SVIL: variants seen among roughly 807,000 people sequenced by gnomAD.
The protein encoded by SVIL is supervillin, also known as archvillin.
In SVIL, 101 loss-of-function variants were observed where a neutral mutation model predicts 240.4. The observed-to-expected ratio is 0.42, with a 90% confidence interval of 0.36 to 0.50. The LOEUF (loss-of-function observed/expected upper bound fraction) is 0.50, where lower values mean the gene tolerates loss of function less well. SVIL is among the 20% of genes least tolerant of loss of function. The pLI is 0.01. For missense variants in SVIL, 2,512 were observed against 2,818.7 expected, an observed-to-expected ratio of 0.89 and a Z score of 2.46; for synonymous variants, 999 against 1,100.0, an observed-to-expected ratio of 0.91 and a Z score of 1.82.
intron 3 of SVIL, 48 bp from the exon 4 acceptor site, chr10:29,555,156 C>T (rs935571893): frequency 3.5e-5 from 53 of 1,506,958 alleles, no homozygotes; most frequent in Non-Finnish European, 4.5e-5. Flanking sequence ...AGTAGTCGTG[C>T]GCTCATTTTA....
chr10:29,703,801 T>C (rs954401307), intron 1 of SVIL, among the ~76,000 whole-genome samples: 2 of 152,186 alleles, frequency 1.3e-5, no homozygotes, highest in African/African-American at 4.8e-5. Context: ...AGGTGGGCTC[T>C]TGTTTTTTTG....
rs866566326 is a variant in SVIL at position 29,473,582 on chromosome 10, A to G, written c.5529+256T>C. Reference sequence around the variant, plus strand: ...AACCTTTCAAAGCCACCCATTGGCCATCTGCACTTGTCATGTGGATTTCCT... The same window carrying G: ...AACCTTTCAAAGCCACCCATTGGCCGTCTGCACTTGTCATGTGGATTTCCT... On this transcript the variant is annotated intron_variant, in intron 30 of 37. Coordinates refer to ENST00000355867, the MANE Select transcript of SVIL (RefSeq NM_021738.3). 2.5e-4 allele frequency: 137 copies of G among 538,476 alleles called. No individual in the cohort carries two copies. In the South Asian group the frequency reaches 3.2e-3, roughly 13 times the overall value. The allele number at this position is 538,476 out of a possible 1,614,324, so 33.4% of individuals were successfully genotyped here. A position where few individuals can be genotyped will look rare whatever the true frequency, so the allele number is the denominator to read the frequency against.
At chr10:29,647,624 G>GGGGTGT (rs148132418) in intron 3 of SVIL, among the ~76,000 whole-genome samples, 1,680 of 151,626 alleles carry the variant, frequency 0.011, 12 homozygotes, top group Non-Finnish European at 0.017. Flanking sequence ...TGCAAATATA[G>GGGGTGT]GTGTGTGTGT....
chr10:29,710,308 C>T (rs1426066341), intron 1 of SVIL, among the ~76,000 whole-genome samples: 1 of 152,220 alleles, frequency 6.6e-6, no homozygotes, highest in Non-Finnish European at 1.5e-5. Context: ...CCCACCTTGG[C>T]CTCCTCCCAA....
At chr10:29,610,537 A>T (rs917093316) in intron 1 of SVIL, among the ~76,000 whole-genome samples, 1 of 144,730 alleles carries the variant, frequency 6.9e-6, no homozygotes, top group South Asian at 2.2e-4. Flanking sequence ...TGCAACCTCC[A>T]CTTCCTGGGT....
intron 1 of SVIL, among the ~76,000 whole-genome samples, chr10:29,712,707 T>C (rs1228951745): frequency 6.6e-6 from 1 of 152,192 alleles, no homozygotes; most frequent in East Asian, 1.9e-4. Context: ...AGGCAAATGT[T>C]ATCAGACTCA....
intron 16 of SVIL, 125 bp downstream of exon 16, chr10:29,522,285 G>T: frequency 1.1e-6 from 1 of 935,028 alleles, no homozygotes; most frequent in Non-Finnish European, 1.6e-6. Flanking sequence ...CAGGACAACA[G>T]CACAGTCCTG....
rs370356396 is a variant in SVIL, at chr10:29,735,249, C to T, written c.-400+502G>A. 6.6e-6 allele frequency among the ~76,000 whole-genome samples: 1 copy of T among 152,040 alleles called. No individual in the cohort carries two copies. Among genetic ancestry groups the T allele is most frequent in the South Asian group, 2.1e-4 (1 of 4,828 alleles). On this transcript the variant is annotated intron_variant, in intron 1 of 35. Coordinates refer to the SVIL transcript ENST00000375400. This position sits in a 1 kb window ranked among gnomAD's most constrained non-coding sequence, Gnocchi z 4.1. ...CCCTGCGGAGGCGCCGGTCTGGGAC[C>T]CCGGGCTGGGGCGCGGGAGCCACCG...
rs201911085 is a variant in SVIL, at chr10:29,532,731, G to A, written c.1636C>T (p.Arg546Cys). ...GGGCCTGTGAAATCTGACAGAGAGCGGGTACGGACCTTGCGCTTTTTCGAG... is the reference window on the plus strand; with the variant it reads ...GGGCCTGTGAAATCTGACAGAGAGCAGGTACGGACCTTGCGCTTTTTCGAG... Reference protein sequence around the residue: ...EASKKRKVRTRSLSDFTGPPQ... With the variant: ...EASKKRKVRTCSLSDFTGPPQ... The change falls in exon 8 of 38, where the codon CGC (arginine) becomes TGC (cysteine). Residue 546 changes from arginine to cysteine, a missense_variant. By Grantham distance (180) the Arg-to-Cys change is radical. Coordinates refer to ENST00000355867, the MANE Select transcript of SVIL (RefSeq NM_021738.3). The A allele has an allele frequency of 1.1e-4, 174 of 1,614,200 alleles. No individual in the cohort carries two copies. The highest frequency in any genetic ancestry group is 1.3e-4 in the Non-Finnish European group (153 of 1,180,038).
intron 2 of SVIL, among the ~76,000 whole-genome samples, chr10:29,567,429 T>C (rs1955062676): frequency 6.6e-6 from 1 of 152,206 alleles, no homozygotes; most frequent in South Asian, 2.1e-4. Context: ...TTTCGTCTCT[T>C]TTAGCTGGTG....
chr10:29,640,959 G>A (rs1255132342), intron 3 of SVIL, among the ~76,000 whole-genome samples: 2 of 152,200 alleles, frequency 1.3e-5, no homozygotes, highest in Non-Finnish European at 2.9e-5. Flanking sequence ...GGCCTGGCAG[G>A]TGCTGCCTCC....
intron 1 of SVIL, among the ~76,000 whole-genome samples, chr10:29,591,270 G>A (rs1956379104): frequency 6.6e-6 from 1 of 152,172 alleles, no homozygotes; most frequent in Non-Finnish European, 1.5e-5. Context: ...CTCCTTGGCT[G>A]TCATTCTCAC....
At chr10:29,462,156 T>A in intron 36 of SVIL, 121 bp downstream of exon 36, 1 of 1,331,256 alleles carries the variant, frequency 7.5e-7, no homozygotes, top group South Asian at 1.6e-5. Context: ...GTTAAGATGT[T>A]GCAAAAGGAA....
intron 1 of SVIL, among the ~76,000 whole-genome samples, chr10:29,727,320 G>A (rs1374620369): frequency 1.3e-5 from 2 of 152,252 alleles, no homozygotes; most frequent in East Asian, 1.9e-4. Context: ...CTGGAGTATA[G>A]TGGTGTGATC....
intron 1 of SVIL, among the ~76,000 whole-genome samples, chr10:29,584,675 T>A (rs1473802026): frequency 1.3e-5 from 2 of 152,110 alleles, no homozygotes; most frequent in African/African-American, 4.8e-5. Context: ...CCTGCGGCCT[T>A]CCCATGGAGT....
In SVIL at chr10:29,508,373, G is replaced by A. The variant is rs1179498407; in HGVS notation, c.3516+4362C>T. The A allele has an allele frequency of 7.8e-6, 10 of 1,289,124 alleles. No homozygotes were observed. The East Asian group carries it at 2.8e-4, about 36-fold the overall frequency. The allele number at this position is 1,289,124 out of a possible 1,614,324, so 79.9% of individuals were successfully genotyped here. A position where few individuals can be genotyped will look rare whatever the true frequency, so the allele number is the denominator to read the frequency against. On this transcript the variant is annotated intron_variant, in intron 17 of 37. Coordinates refer to ENST00000355867, the MANE Select transcript of SVIL (RefSeq NM_021738.3). ...CAGATTAGAAATGGCACTATCATCC[G>A]CAACTCCTCCTTCTTCCTACAGGTT...
At chr10:29,489,756 C>G (rs1947774607) in intron 22 of SVIL, among the ~76,000 whole-genome samples, 1 of 152,108 alleles carries the variant, frequency 6.6e-6, no homozygotes, top group South Asian at 2.1e-4. Flanking sequence ...CTATGTTTCC[C>G]AGGCTGGTCT....
At position 29,484,796 on chromosome 10, in the gene SVIL, T is replaced by C. The variant is rs1947235717; in HGVS notation, c.4815A>G (p.Val1605=). The C allele has an allele frequency of 1.2e-6, 2 of 1,612,374 alleles. No homozygotes were observed. Among genetic ancestry groups the C allele is most frequent in the African/African-American group, 1.3e-5 (1 of 74,824 alleles). The change falls in exon 27 of 38, where the codon GTA becomes GTG. Residue 1605 remains valine (V), a synonymous_variant. Coordinates refer to ENST00000355867, the MANE Select transcript of SVIL (RefSeq NM_021738.3). This position sits in a 1 kb window ranked among gnomAD's most constrained non-coding sequence, Gnocchi z 4.7. ...LVFDFGSEVY[V]WHGKEVTLAQ... Reference sequence around the variant, plus strand: ...CTAATGTGACTTCTTTCCCATGCCATACGTAAACTTCACTACCAAAATCAA... The same window carrying C: ...CTAATGTGACTTCTTTCCCATGCCACACGTAAACTTCACTACCAAAATCAA...
At chr10:29,717,856 T>A (rs1236732927) in intron 1 of SVIL, among the ~76,000 whole-genome samples, 1 of 152,296 alleles carries the variant, frequency 6.6e-6, no homozygotes, top group East Asian at 1.9e-4. Context: ...AAGCTAAATA[T>A]AGACCAAGTA....
Sources: allele counts gnomAD v4.1 joint callset (sites outside exome capture counted in the v4.1 genomes callset), GRCh38; gene constraint gnomAD v4.1.1; non-coding constraint Gnocchi (gnomAD v3.1); transcripts MANE v1.5; gene names NCBI Gene and HGNC (gene_info 2026-07-23, HGNC 2026-07-21).